The following KCNIP4 variants were observed in gnomAD, a reference collection of about 807,000 sequenced individuals.
The protein encoded by KCNIP4 is Kv channel-interacting protein 4.
Under a neutral mutation model 34.0 loss-of-function variants are expected in KCNIP4, and 12 were observed. That is an observed-to-expected ratio of 0.35 (90% CI 0.23 to 0.57). The LOEUF is 0.57. KCNIP4 is among the 20% of genes least tolerant of loss of function. The pLI, the probability that KCNIP4 is intolerant of heterozygous loss-of-function variation, is 0.83. For missense variants in KCNIP4, 238 were observed against 311.7 expected, an observed-to-expected ratio of 0.76 and a Z score of 1.78; for synonymous variants, 124 against 102.2, an observed-to-expected ratio of 1.21 and a Z score of -1.29.
intron 1 of KCNIP4, among the ~76,000 whole-genome samples, chr4:20,926,934 A>T (rs1729958557): frequency 6.6e-6 from 1 of 152,226 alleles, no homozygotes; most frequent in African/African-American, 2.4e-5. Context: ...TGTAAAATCC[A>T]CAATTAGTAT....
chr4:20,783,558 A>G (rs1711530646), intron 3 of KCNIP4, among the ~76,000 whole-genome samples: 1 of 152,182 alleles, frequency 6.6e-6, no homozygotes, highest in African/African-American at 2.4e-5. Flanking sequence ...CTTATTCACT[A>G]CCATGAGAAC....
chr4:21,677,076 G>A (rs1749973442), intron 1 of KCNIP4, among the ~76,000 whole-genome samples: 1 of 150,974 alleles, frequency 6.6e-6, no homozygotes, highest in African/African-American at 2.4e-5. Context: ...GATTATGAAA[G>A]CAGTCCATTA....
chr4:21,519,128 T>C (rs890523264), intron 1 of KCNIP4, among the ~76,000 whole-genome samples: 2 of 152,030 alleles, frequency 1.3e-5, no homozygotes, highest in Admixed American at 6.6e-5. Flanking sequence ...CCCAGTGTGA[T>C]GGTATTAGGA....
chr4:21,267,138 T>G (rs770824018), intron 1 of KCNIP4, among the ~76,000 whole-genome samples: 1 of 152,020 alleles, frequency 6.6e-6, no homozygotes, highest in Non-Finnish European at 1.5e-5. Flanking sequence ...CAAGTTTATA[T>G]TTCTTTCAAA....
chr4:20,847,257 G>A (rs1340537098), intron 3 of KCNIP4, among the ~76,000 whole-genome samples: 1 of 152,114 alleles, frequency 6.6e-6, no homozygotes, highest in African/African-American at 2.4e-5. Context: ...CTGAGTCAGA[G>A]GGAACTGCCC....
At chr4:21,121,326 A>G (rs1332453836) in intron 1 of KCNIP4, among the ~76,000 whole-genome samples, 3 of 152,198 alleles carry the variant, frequency 2.0e-5, no homozygotes, top group African/African-American at 4.8e-5. Context: ...GTTATTTTTC[A>G]TATGTATTAA....
Position 20,875,674 on chromosome 4 carries a change from T to C in KCNIP4, c.163+6934A>G, listed in dbSNP as rs143811623. On this transcript the variant is annotated intron_variant, in intron 2 of 8. Coordinates refer to ENST00000382152, the MANE Select transcript of KCNIP4 (RefSeq NM_025221.6). ...GCCTAGGTCAGAGCCTTTAGCTAAA[T>C]TCACCAAGGAGTTAGCATGAGATTA... Among the ~76,000 whole-genome samples the C allele has an allele frequency of 1.8e-3, 273 of 152,252 alleles. 1 individual carries two copies. Among genetic ancestry groups the C allele is most frequent in the African/African-American group, 5.9e-3 (244 of 41,556 alleles).
At chr4:21,769,719 G>A (rs1718651429) in intron 1 of KCNIP4, among the ~76,000 whole-genome samples, 1 of 152,070 alleles carries the variant, frequency 6.6e-6, no homozygotes, top group African/African-American at 2.4e-5. Context: ...TTATGACACT[G>A]ACGTGCAAAA....
At chr4:21,210,961 A>C (rs1348927373) in intron 1 of KCNIP4, among the ~76,000 whole-genome samples, 2 of 152,178 alleles carry the variant, frequency 1.3e-5, no homozygotes, top group Non-Finnish European at 2.9e-5. Flanking sequence ...AAATTAATTG[A>C]ATTTTATACT....
chr4:21,813,999 G>A (rs1464229113), intron 1 of KCNIP4, among the ~76,000 whole-genome samples: 1 of 152,018 alleles, frequency 6.6e-6, no homozygotes, highest in Non-Finnish European at 1.5e-5. Context: ...ATTGAGTTAG[G>A]TGCTTTACAT....
At chr4:21,205,212 C>T (rs1024484745) in intron 1 of KCNIP4, among the ~76,000 whole-genome samples, 1 of 152,136 alleles carries the variant, frequency 6.6e-6, no homozygotes, top group African/African-American at 2.4e-5. Context: ...CCATTTAATT[C>T]TTTTCTGAGA....
At chr4:21,310,282 C>T (rs1380255921) in intron 1 of KCNIP4, among the ~76,000 whole-genome samples, 10 of 152,046 alleles carry the variant, frequency 6.6e-5, no homozygotes, top group African/African-American at 2.4e-4. Flanking sequence ...GTGATCCGTC[C>T]GCCTCTGCCT....
intron 1 of KCNIP4, among the ~76,000 whole-genome samples, chr4:21,868,143 A>G (rs1420522548): frequency 1.3e-5 from 2 of 152,190 alleles, no homozygotes; most frequent in Non-Finnish European, 2.9e-5. Flanking sequence ...TTTCATGTGT[A>G]TTCAGTAACC....
chr4:21,094,617 T>C (rs889409122), intron 1 of KCNIP4, among the ~76,000 whole-genome samples: 4 of 152,292 alleles, frequency 2.6e-5, no homozygotes, highest in South Asian at 4.1e-4. Flanking sequence ...GGGTCTCACA[T>C]TGACTTGTGT....
chr4:21,230,252 T>A (rs1758695063), intron 1 of KCNIP4, among the ~76,000 whole-genome samples: 1 of 152,142 alleles, frequency 6.6e-6, no homozygotes, highest in Non-Finnish European at 1.5e-5. Context: ...AATTCTCTCC[T>A]GGAGCCTTTG....
intron 1 of KCNIP4, among the ~76,000 whole-genome samples, chr4:21,890,932 G>A (rs1001695567): frequency 1.3e-5 from 2 of 152,100 alleles, no homozygotes; most frequent in Non-Finnish European, 2.9e-5. Context: ...GGGTAGACAA[G>A]AGAACTGTGA....
At chr4:20,878,596 T>C (rs1281790638) in intron 2 of KCNIP4, among the ~76,000 whole-genome samples, 4 of 152,228 alleles carry the variant, frequency 2.6e-5, no homozygotes, top group Non-Finnish European at 4.4e-5. Flanking sequence ...TAAACTGTGT[T>C]CCACTCTTCA....
At chr4:21,243,896 A>T (rs1577952297) in intron 1 of KCNIP4, among the ~76,000 whole-genome samples, 1 of 152,268 alleles carries the variant, frequency 6.6e-6, no homozygotes, top group East Asian at 1.9e-4. Context: ...AGAGAAAATA[A>T]CATGTGCCAA....
At position 21,008,613 on chromosome 4, in the gene KCNIP4, T is replaced by TC. The variant is rs760289922; in HGVS notation, c.62-125905dup. On this transcript the variant is annotated intron_variant, in intron 1 of 8. Transcript: ENST00000382152. ...ATCTCGGCTCACTGCAAGCTCCGCC[T>TC]CCCGGGTTCACGCCATTCTCCTGCC... is the stretch of plus-strand genomic sequence containing the variant. Among the ~76,000 whole-genome samples, 88 of 151,928 alleles carry TC rather than the reference T, an allele frequency of 5.8e-4. 1 individual carries two copies. In the South Asian group the frequency reaches 6.2e-3, roughly 11 times the overall value.
Sources: allele counts gnomAD v4.1 joint callset (sites outside exome capture counted in the v4.1 genomes callset), GRCh38; gene constraint gnomAD v4.1.1; transcripts MANE v1.5; gene names NCBI Gene and HGNC (gene_info 2026-07-23, HGNC 2026-07-21).